Variants in GREB1L observed in about 807,000 individuals in gnomAD.
The protein encoded by GREB1L is GREB1 like retinoic acid receptor coactivator, also known as GREB1-like protein.
GREB1L carries 17 observed loss-of-function variants against 200.8 expected under a neutral mutation model. That is an observed-to-expected ratio of 0.08 (90% CI 0.06 to 0.13). GREB1L has a LOEUF of 0.13. Among genes scored for constraint, GREB1L ranks in the 10% least tolerant of loss-of-function variants. The pLI is 1.00. For synonymous variants in GREB1L, 789 were observed against 893.0 expected, an observed-to-expected ratio of 0.88 and a Z score of 2.08; for missense variants, 1,657 against 2,367.7, an observed-to-expected ratio of 0.70 and a Z score of 6.23.
chr18:21,453,314 G>A (rs2034612032), intron 14 of GREB1L, among the ~76,000 whole-genome samples: 1 of 152,210 alleles, frequency 6.6e-6, no homozygotes, highest in South Asian at 2.1e-4. Context: ...CTACTAGGGA[G>A]ACCATCCATC....
chr18:21,385,657 TTA>T (rs1302250401), intron 4 of GREB1L, among the ~76,000 whole-genome samples: 14 of 152,310 alleles, frequency 9.2e-5, no homozygotes, highest in African/African-American at 2.9e-4. Context: ...GTGACTAGCA[TTA>T]TGTTTCTTCT....
chr18:21,276,219 C>T (rs747119619), intron 1 of GREB1L, among the ~76,000 whole-genome samples: 4 of 152,162 alleles, frequency 2.6e-5, no homozygotes, highest in Non-Finnish European at 5.9e-5. Flanking sequence ...CCTTCTTCTG[C>T]GACACCACCT....
intron 1 of GREB1L, among the ~76,000 whole-genome samples, chr18:21,277,359 TG>T (rs1367330793): frequency 6.6e-6 from 1 of 152,220 alleles, no homozygotes; most frequent in Non-Finnish European, 1.5e-5. Flanking sequence ...TTTTCATCCT[TG>T]TCTTCTTGGA....
In GREB1L at chr18:21,477,317, C is replaced by T. The variant is rs892295287; in HGVS notation, c.2517C>T (p.Ser839=). ...TGCAGACCCAACAGTCCCGCATTAG[C>T]TCTAGCAATGAGGTTCACTGGATAC... ...YTLQTQQSRI[S]SSNEVHWIQL... Residue 839 remains serine (S), a synonymous_variant, in exon 17 of 33, where the codon AGC becomes AGT. Transcript: ENST00000424526. 7.7e-6 allele frequency: 12 copies of T among 1,551,456 alleles called. No homozygotes were observed. The highest frequency in any genetic ancestry group is 1.0e-5 in the Non-Finnish European group (12 of 1,146,808).
intron 4 of GREB1L, among the ~76,000 whole-genome samples, chr18:21,390,175 T>C (rs1444808403): frequency 1.3e-5 from 2 of 152,200 alleles, no homozygotes; most frequent in African/African-American, 4.8e-5. Context: ...CTGCCAGTCA[T>C]ATAAAAGTAT....
At chr18:21,330,671 G>A (rs184681547) in intron 1 of GREB1L, among the ~76,000 whole-genome samples, 1 of 152,186 alleles carries the variant, frequency 6.6e-6, no homozygotes, top group Non-Finnish European at 1.5e-5. Context: ...TTCCACTGAG[G>A]GGGGTAAGAA....
chr18:21,444,544 A>G, intron 11 of GREB1L, 135 bp downstream of exon 11: 1 of 719,498 alleles, frequency 1.4e-6, no homozygotes, highest in Non-Finnish European at 2.3e-6. Context: ...TTTCCCTTCA[A>G]CCCCATTCTC....
At chr18:21,442,240 C>T (rs2033939349) in intron 10 of GREB1L, among the ~76,000 whole-genome samples, 1 of 152,110 alleles carries the variant, frequency 6.6e-6, no homozygotes, top group Non-Finnish European at 1.5e-5. Flanking sequence ...CTGGCCTAGG[C>T]CAGAAGGAGA....
intron 17 of GREB1L, among the ~76,000 whole-genome samples, chr18:21,481,299 CTG>C (rs1568045660): frequency 6.6e-6 from 1 of 151,918 alleles, no homozygotes; most frequent in South Asian, 2.1e-4. Flanking sequence ...GAGGAGAAAA[CTG>C]TGGGCATTTT....
intron 1 of GREB1L, among the ~76,000 whole-genome samples, chr18:21,319,551 A>G (rs2038921597): frequency 6.6e-6 from 1 of 152,256 alleles, no homozygotes; most frequent in African/African-American, 2.4e-5. Flanking sequence ...TTTTAGTTAC[A>G]GAGAAAAGTT....
Position 21,518,252 on chromosome 18 carries a change from GA to G in GREB1L, c.5472+19del. Reference sequence around the variant, plus strand: ...GACCAGAGGTAAAAAGGGTGTGGGGGATACTGTGCTTACCTACATCCATCCA... The same window carrying G: ...GACCAGAGGTAAAAAGGGTGTGGGGGTACTGTGCTTACCTACATCCATCCA... On this transcript the variant is annotated intron_variant, in intron 31 of 32. Coordinates refer to ENST00000424526, the MANE Select transcript of GREB1L (RefSeq NM_001142966.3). 2 of 1,548,212 alleles carry G rather than the reference GA, an allele frequency of 1.3e-6. No individual in the cohort carries two copies. The highest frequency in any genetic ancestry group is 1.7e-6 in the Non-Finnish European group (2 of 1,143,898).
chr18:21,377,701 A>T (rs1195644698), intron 2 of GREB1L, among the ~76,000 whole-genome samples: 1 of 152,134 alleles, frequency 6.6e-6, no homozygotes, highest in Non-Finnish European at 1.5e-5. Context: ...CTGTGTCTCA[A>T]AAAATTTTTT....
At chr18:21,426,987 AC>A (rs1367157436) in intron 7 of GREB1L, among the ~76,000 whole-genome samples, 10 of 94,898 alleles carry the variant, frequency 1.1e-4, no homozygotes, top group African/African-American at 3.9e-4. Context: ...AAAAAAAAAA[AC>A]AAAAAAAAAA....
intron 9 of GREB1L, 50 bp from the exon 10 acceptor site, chr18:21,441,349 AT>A: frequency 6.9e-7 from 1 of 1,448,152 alleles, no homozygotes; most frequent in East Asian, 2.5e-5. Context: ...TTTCTATTGT[AT>A]TTCATTTAGT....
At chr18:21,364,951 C>A (rs2039642483) in intron 1 of GREB1L, among the ~76,000 whole-genome samples, 1 of 151,580 alleles carries the variant, frequency 6.6e-6, no homozygotes, top group Non-Finnish European at 1.5e-5. Flanking sequence ...ATGTAGGTAG[C>A]AAGGCTCCTG....
chr18:21,346,092 G>A (rs2039340737), intron 1 of GREB1L, among the ~76,000 whole-genome samples: 1 of 152,080 alleles, frequency 6.6e-6, no homozygotes. Context: ...CCTAGATTAA[G>A]CTACTGACAA....
At chr18:21,440,135 G>T (rs1184245346) in intron 8 of GREB1L, 134 bp from the exon 9 acceptor site, 1 of 880,094 alleles carries the variant, frequency 1.1e-6, no homozygotes. Flanking sequence ...ACCTCTAAAG[G>T]AGTGATTTAG....
intron 7 of GREB1L, among the ~76,000 whole-genome samples, chr18:21,413,783 A>T (rs2031336567): frequency 6.6e-6 from 1 of 152,218 alleles, no homozygotes; most frequent in African/African-American, 2.4e-5. Flanking sequence ...TGAGACTTCT[A>T]TTCCTGCTAA....
chr18:21,374,683 G>C (rs1451243412), intron 2 of GREB1L, among the ~76,000 whole-genome samples: 1 of 152,014 alleles, frequency 6.6e-6, no homozygotes, highest in Admixed American at 6.6e-5. Context: ...TTAAAAATCA[G>C]TGTTTTTCTT....
Sources: allele counts gnomAD v4.1 joint callset (sites outside exome capture counted in the v4.1 genomes callset), GRCh38; gene constraint gnomAD v4.1.1; transcripts MANE v1.5; gene names NCBI Gene and HGNC (gene_info 2026-07-23, HGNC 2026-07-21).